FBXW4: variants seen among roughly 807,000 people sequenced by gnomAD.
The protein encoded by FBXW4 is F-box/WD repeat-containing protein 4.
Under a neutral mutation model 61.8 loss-of-function variants are expected in FBXW4, and 40 were observed. The ratio of observed to expected loss-of-function variants is 0.65; its 90% CI spans 0.50 to 0.84. The LOEUF is 0.84. FBXW4 is among the 40% of genes least tolerant of loss of function. The pLI, the probability that FBXW4 is intolerant of heterozygous loss-of-function variation, is 0.00. For missense variants in FBXW4, 672 were observed against 753.8 expected, an observed-to-expected ratio of 0.89 and a Z score of 1.27; for synonymous variants, 311 against 313.8, an observed-to-expected ratio of 0.99 and a Z score of 0.10.
At chr10:101,637,808 A>G (rs1412415518) in intron 5 of FBXW4, among the ~76,000 whole-genome samples, 1 of 151,906 alleles carries the variant, frequency 6.6e-6, no homozygotes, top group East Asian at 1.9e-4. Context: ...ACTCACCAAC[A>G]TTACACAGCT....
intron 4 of FBXW4, among the ~76,000 whole-genome samples, chr10:101,671,302 G>T (rs1337118560): frequency 6.6e-6 from 1 of 152,204 alleles, no homozygotes; most frequent in Non-Finnish European, 1.5e-5. Context: ...GACCAGAGAA[G>T]AGAATTCTGT....
At chr10:101,638,499 A>C (rs1163900180) in intron 5 of FBXW4, among the ~76,000 whole-genome samples, 3 of 152,098 alleles carry the variant, frequency 2.0e-5, no homozygotes, top group Non-Finnish European at 4.4e-5. Context: ...AAAAAAAAAA[A>C]AAAAAGAGTA....
At chr10:101,648,386 G>A (rs2064118533) in intron 5 of FBXW4, among the ~76,000 whole-genome samples, 1 of 152,154 alleles carries the variant, frequency 6.6e-6, no homozygotes, top group Admixed American at 6.5e-5. Context: ...CAGCTTTCCT[G>A]AGAACACTAA....
chr10:101,621,955 C>A (rs1464371221), intron 6 of FBXW4, among the ~76,000 whole-genome samples: 3 of 152,098 alleles, frequency 2.0e-5, no homozygotes, highest in Admixed American at 2.0e-4. Context: ...GCAAATCAAT[C>A]CATGATAAAG....
intron 5 of FBXW4, among the ~76,000 whole-genome samples, chr10:101,641,005 A>G (rs1300510927): frequency 2.0e-5 from 3 of 150,228 alleles, no homozygotes; most frequent in Non-Finnish European, 4.4e-5. Context: ...TAATTTTTGT[A>G]TTTTTAGTAG....
intron 3 of FBXW4, 125 bp from the exon 4 acceptor site, chr10:101,673,172 G>T: frequency 8.3e-7 from 1 of 1,204,626 alleles, no homozygotes; most frequent in Non-Finnish European, 1.1e-6. Flanking sequence ...AGACAATTCA[G>T]CCCAGTAAGG....
intron 4 of FBXW4, among the ~76,000 whole-genome samples, chr10:101,670,884 T>A (rs1193335440): frequency 2.0e-5 from 3 of 152,080 alleles, no homozygotes; most frequent in Non-Finnish European, 4.4e-5. Context: ...AGGAAGAGGG[T>A]TCTTTGGACA....
At chr10:101,666,626 C>T (rs186937561) in intron 5 of FBXW4, among the ~76,000 whole-genome samples, 7 of 152,182 alleles carry the variant, frequency 4.6e-5, no homozygotes, top group African/African-American at 7.2e-5. Context: ...AGGAAGTGGA[C>T]GAAGATCCTA....
At chr10:101,688,479 C>A (rs886092893) in intron 1 of FBXW4, among the ~76,000 whole-genome samples, 2 of 152,172 alleles carry the variant, frequency 1.3e-5, no homozygotes, top group African/African-American at 2.4e-5. Flanking sequence ...GAAGAAATGA[C>A]TCAAAATTGA....
intron 1 of FBXW4, among the ~76,000 whole-genome samples, chr10:101,685,702 A>T (rs10883677): frequency 0.72 from 110,222 of 152,210 alleles, 40,256 homozygotes; most frequent in East Asian, 0.96. Flanking sequence ...TTTTTAAAAA[A>T]AAATGACATT....
At chr10:101,624,342 G>C (rs1265368071) in intron 6 of FBXW4, among the ~76,000 whole-genome samples, 1 of 150,290 alleles carries the variant, frequency 6.7e-6, no homozygotes, top group East Asian at 1.9e-4. Context: ...GCAGAGAATT[G>C]TGAATAAAAC....
intron 6 of FBXW4, among the ~76,000 whole-genome samples, chr10:101,612,848 C>A (rs1249800299): frequency 6.6e-6 from 1 of 152,190 alleles, no homozygotes; most frequent in African/African-American, 2.4e-5. Flanking sequence ...CACTTGGTTA[C>A]TTTATACATC....
intron 5 of FBXW4, among the ~76,000 whole-genome samples, chr10:101,656,664 A>G (rs760756788): frequency 6.6e-6 from 1 of 152,184 alleles, no homozygotes; most frequent in Non-Finnish European, 1.5e-5. Flanking sequence ...CATTGTTCTA[A>G]AAGCTGGATT....
At chr10:101,635,147 C>T (rs1156481563) in intron 5 of FBXW4, among the ~76,000 whole-genome samples, 1 of 149,178 alleles carries the variant, frequency 6.7e-6, no homozygotes, top group Non-Finnish European at 1.5e-5. Flanking sequence ...ATTAGATTCT[C>T]ATAGGAGCAC....
Position 101,672,981 on chromosome 10 carries a change from C to T in FBXW4, c.1074G>A (p.Gln358=), listed in dbSNP as rs2064372471. 3 of 1,614,112 alleles carry T rather than the reference C, an allele frequency of 1.9e-6. No homozygotes were observed. In the South Asian group the frequency reaches 3.3e-5, roughly 18 times the overall value. ...TFTVKYSAHE[Q]EVNCVDCKGG... is the part of the protein sequence containing the mutation. Reference sequence around the variant, plus strand: ...CTTTGCAATCCACACAGTTCACCTCCTGTTCATGAGCCGAGTACTTGACAG... The same window carrying T: ...CTTTGCAATCCACACAGTTCACCTCTTGTTCATGAGCCGAGTACTTGACAG... The change falls in exon 4 of 9, where the codon CAG becomes CAA. Residue 358 remains glutamine (Q), a synonymous_variant. Transcript: ENST00000331272.
At chr10:101,651,173 T>C (rs1412796738) in intron 5 of FBXW4, among the ~76,000 whole-genome samples, 2 of 152,080 alleles carry the variant, frequency 1.3e-5, no homozygotes, top group African/African-American at 4.8e-5. Context: ...ACACTGCACA[T>C]GCCACCTGGT....
intron 1 of FBXW4, among the ~76,000 whole-genome samples, chr10:101,688,525 C>A (rs796365673): frequency 2.0e-5 from 3 of 152,328 alleles, no homozygotes; most frequent in African/African-American, 7.2e-5. Flanking sequence ...GAGATAAATT[C>A]TTTCTCCAGA....
chr10:101,684,347 C>T (rs549402370), intron 1 of FBXW4, among the ~76,000 whole-genome samples: 3 of 152,300 alleles, frequency 2.0e-5, no homozygotes, highest in East Asian at 1.9e-4. Flanking sequence ...AGGATAGTCT[C>T]GATCTCCTGA....
intron 5 of FBXW4, among the ~76,000 whole-genome samples, chr10:101,655,045 G>C (rs115003883): frequency 2.0e-4 from 31 of 152,270 alleles, no homozygotes; most frequent in African/African-American, 7.2e-4. Context: ...GCCCAAGCTG[G>C]TCTTGAGCTC....
Sources: allele counts gnomAD v4.1 joint callset (sites outside exome capture counted in the v4.1 genomes callset), GRCh38; gene constraint gnomAD v4.1.1; transcripts MANE v1.5; gene names NCBI Gene and HGNC (gene_info 2026-07-23, HGNC 2026-07-21).